CCL5: variants seen among roughly 807,000 people sequenced by gnomAD.
CCL5 encodes the protein C-C motif chemokine ligand 5.
A neutral mutation model predicts 9.0 loss-of-function variants in CCL5; 5 were observed. That is an observed-to-expected ratio of 0.55 (90% CI 0.29 to 1.16). The LOEUF (loss-of-function observed/expected upper bound fraction) is 1.16. CCL5 is among the 50% of genes most tolerant of loss of function. The probability of loss-of-function intolerance (pLI) is 0.08; values close to 1 mark genes in which losing one functional copy is unlikely to be tolerated. For missense variants in CCL5, 183 were observed against 183.2 expected (o/e 1.00, Z 0.01); for synonymous variants, 66 against 72.0 (o/e 0.92, Z 0.42).
chr17:35,874,383 C>T (rs1219904091), intron 3 of CCL5, among the ~76,000 whole-genome samples: 1 of 152,148 alleles, frequency 6.6e-6, no homozygotes, highest in Non-Finnish European at 1.5e-5. Flanking sequence ...GCAGCCTCAA[C>T]CTCCTGGGCT....
At chr17:35,875,523 T>G in intron 3 of CCL5, 1 of 875,690 alleles carries the variant, frequency 1.1e-6, no homozygotes, top group Non-Finnish European at 1.4e-6. Flanking sequence ...AGAGTTTGTG[T>G]TCTTATTTAG....
chr17:35,878,599 G>A lies in CCL5; in HGVS notation c.117C>T (p.Ala39=), dbSNP rs2088473844. 1.2e-6 allele frequency: 2 copies of A among 1,613,810 alleles called. No individual in the cohort carries two copies. Among genetic ancestry groups the A allele is most frequent in the African/African-American group, 2.7e-5 (2 of 74,914 alleles). ...TGATGTGGGCACGGGGCAGTGGGCG[G>A]GCAATGTAGGCAAAGCAGCAGGGTG... The change falls in exon 2 of 4, where the codon GCC becomes GCT. Residue 39 remains alanine (A), a synonymous_variant. Coordinates refer to ENST00000651122, the MANE Select transcript of CCL5 (RefSeq NM_001278736.2).
intron 2 of CCL5, among the ~76,000 whole-genome samples, chr17:35,877,253 T>C (rs1312984820): frequency 1.3e-5 from 2 of 152,144 alleles, no homozygotes; most frequent in East Asian, 1.9e-4. Context: ...CTCACACCTG[T>C]AATCCCAGCA....
At chr17:35,873,093 T>G (rs529500220) in intron 3 of CCL5, among the ~76,000 whole-genome samples, 4 of 152,128 alleles carry the variant, frequency 2.6e-5, no homozygotes, top group Non-Finnish European at 4.4e-5. Flanking sequence ...TTTTACCATG[T>G]TGGCCAGGAT....
chr17:35,878,737 G>C lies in CCL5; in HGVS notation c.77-98C>G, dbSNP rs141593926. On this transcript the variant is annotated intron_variant, in intron 1 of 3. Transcript: ENST00000651122. The stretch of plus-strand genomic sequence containing the variant: ...TTATATGATTTATTTAGAAAGAACT[G>C]TTATCTTCCTTGACAGAAACTGAGG... The C allele has an allele frequency of 1.0e-4, 74 of 722,264 alleles. 1 individual carries two copies. The East Asian group carries it at 2.0e-3, about 19-fold the overall frequency. The allele number at this position is 722,264 out of a possible 1,614,324, so 44.7% of individuals were successfully genotyped here.
At chr17:35,877,299 C>G (rs371213739) in intron 2 of CCL5, among the ~76,000 whole-genome samples, 7 of 151,992 alleles carry the variant, frequency 4.6e-5, no homozygotes, top group Non-Finnish European at 1.0e-4. Flanking sequence ...TGCTTGAACC[C>G]GGGAGGCAAA....
intron 2 of CCL5, among the ~76,000 whole-genome samples, chr17:35,876,567 T>C (rs2088443486): frequency 6.6e-6 from 1 of 152,194 alleles, no homozygotes. Flanking sequence ...TTCAAAAGTG[T>C]CTGTCTTTGA....
At chr17:35,879,327 G>C (rs576074899) in intron 1 of CCL5, among the ~76,000 whole-genome samples, 273 of 152,190 alleles carry the variant, frequency 1.8e-3, no homozygotes, top group African/African-American at 6.0e-3. Context: ...AAGGGTTGTG[G>C]GTATTAAATA....
Position 35,872,166 on chromosome 17 carries a change from A to C in CCL5, c.*104T>G, listed in dbSNP as rs1169946114. On this transcript the variant is annotated 3_prime_UTR_variant, in exon 4 of 4. Transcript: ENST00000651122. Reference sequence around the variant, plus strand: ...TCGAACTCCTGACCTCAAGTGATCCACCCACCTTGGCCTCCCAAAGTGCTG... The same window carrying C: ...TCGAACTCCTGACCTCAAGTGATCCCCCCACCTTGGCCTCCCAAAGTGCTG... 1.5e-6 allele frequency: 1 copy of C among 647,560 alleles called. No individual in the cohort carries two copies. Among genetic ancestry groups the C allele is most frequent in the Non-Finnish European group, 2.3e-6 (1 of 436,628 alleles). 40.1% of individuals were successfully genotyped at this position (647,560 alleles called of 1,614,324 possible). A position where few individuals can be genotyped will look rare whatever the true frequency, so the allele number is the denominator to read the frequency against.
At chr17:35,877,082 T>G (rs1337071005) in intron 2 of CCL5, among the ~76,000 whole-genome samples, 3 of 152,206 alleles carry the variant, frequency 2.0e-5, no homozygotes, top group African/African-American at 7.2e-5. Flanking sequence ...TTTCTTCTTT[T>G]GAAAAATATT....
Position 35,872,295 on chromosome 17 carries a change from T to G in CCL5, c.440A>C (p.His147Pro). ...TCAAGGAGCGGGTGGGGTAGGATAG[T>G]GAGGGGAAGCCTCCCAAGCTAGGAC... is the stretch of plus-strand genomic sequence containing the variant. The change falls in exon 4 of 4, where the codon CAC (histidine) becomes CCC (proline). Residue 147 changes from histidine (H) to proline (P), a missense_variant. By Grantham distance (77) the His-to-Pro change is moderately conservative (BLOSUM62 -2). Coordinates refer to ENST00000651122, the MANE Select transcript of CCL5 (RefSeq NM_001278736.2). The G allele has an allele frequency of 1.3e-6, 2 of 1,594,994 alleles. No individual in the cohort carries two copies. Among genetic ancestry groups the G allele is most frequent in the East Asian group, 2.2e-5 (1 of 44,448 alleles).
chr17:35,878,716 A>G (rs911185178), intron 1 of CCL5, 77 bp from the exon 2 acceptor site: 1 of 825,876 alleles, frequency 1.2e-6, no homozygotes, highest in Admixed American at 2.4e-5. Context: ...GACACTTTAT[A>G]TGATTTATTT....
intron 1 of CCL5, among the ~76,000 whole-genome samples, chr17:35,879,846 G>A (rs1387983523): frequency 6.6e-6 from 1 of 152,090 alleles, no homozygotes; most frequent in Non-Finnish European, 1.5e-5. Context: ...GTCTCAGGAA[G>A]TTTTAGTTTA....
chr17:35,875,524 T>G, intron 3 of CCL5: 14 of 886,722 alleles, frequency 1.6e-5, no homozygotes, highest in Non-Finnish European at 1.8e-5. Flanking sequence ...GAGTTTGTGT[T>G]CTTATTTAGG....
intron 2 of CCL5, among the ~76,000 whole-genome samples, chr17:35,876,375 G>A (rs2088441237): frequency 6.6e-6 from 1 of 152,196 alleles, no homozygotes; most frequent in African/African-American, 2.4e-5. Context: ...CATATCCACA[G>A]GGTTATCTTG....
intron 2 of CCL5, among the ~76,000 whole-genome samples, chr17:35,877,021 C>T (rs1318981381): frequency 6.6e-6 from 1 of 152,150 alleles, no homozygotes; most frequent in Non-Finnish European, 1.5e-5. Context: ...TGGGCTGGGA[C>T]AGTGGCTTTA....
intron 2 of CCL5, among the ~76,000 whole-genome samples, chr17:35,877,169 C>CT (rs200393040): frequency 0.01 from 1,587 of 152,290 alleles, 14 homozygotes; most frequent in Non-Finnish European, 0.016. Context: ...CAAAGTCTGT[C>CT]TTTGAGTACC....
At position 35,872,341 on chromosome 17, in the gene CCL5, A is replaced by G; in HGVS notation, c.394T>C (p.Cys132Arg). Residue 132 changes from cysteine (C) to arginine (R), a missense_variant, in exon 4 of 4, where the codon TGC becomes CGC. Coordinates refer to ENST00000651122, the MANE Select transcript of CCL5 (RefSeq NM_001278736.2). ...AGGACAAGAGCAAGCAGAAACAGGC[A>G]AATTTGTGTAAGTTCAGGTTCAAGG... 1 of 1,611,336 alleles carries G rather than the reference A, an allele frequency of 6.2e-7. No homozygotes were observed. Among genetic ancestry groups the G allele is most frequent in the Non-Finnish European group, 8.5e-7 (1 of 1,178,120 alleles).
At chr17:35,877,136 T>C (rs2088450508) in intron 2 of CCL5, among the ~76,000 whole-genome samples, 1 of 152,214 alleles carries the variant, frequency 6.6e-6, no homozygotes, top group African/African-American at 2.4e-5. Context: ...ATTACCATTA[T>C]ACTTAAAAGG....
Sources: allele counts gnomAD v4.1 joint callset (sites outside exome capture counted in the v4.1 genomes callset), GRCh38; gene constraint gnomAD v4.1.1; transcripts MANE v1.5; gene names NCBI Gene and HGNC (gene_info 2026-07-23, HGNC 2026-07-21).